Variants in MEA1 observed in about 807,000 individuals in gnomAD.
MEA1 encodes Male-enhanced antigen (H-Y structural gene).
Under a neutral mutation model 21.4 loss-of-function variants are expected in MEA1, and 22 were observed. The observed-to-expected ratio is 1.03, with a 90% CI of 0.73 to 1.47. The LOEUF (loss-of-function observed/expected upper bound fraction) is 1.47. MEA1 is among the 40% of genes most tolerant of loss of function. The pLI is 0.00. For synonymous variants in MEA1, 91 were observed against 85.5 expected, an observed-to-expected ratio of 1.06 and a Z score of -0.35; for missense variants, 233 against 230.5, an observed-to-expected ratio of 1.01 and a Z score of -0.07.
intron 1 of MEA1, 56 bp downstream of exon 1, chr6:43,013,730 A>C (rs920121223): frequency 6.5e-7 from 1 of 1,529,262 alleles, no homozygotes; most frequent in Non-Finnish European, 9.0e-7. Context: ...AGACTCCCCT[A>C]AACAGGTCGG....
Position 43,011,355 on chromosome 6 carries a change from C to A in MEA1, c.*1115G>T. On this transcript the variant is annotated 3_prime_UTR_variant, in exon 4 of 4. Transcript: ENST00000244711. The stretch of plus-strand genomic sequence containing the variant: ...GGACACTGCCCTGGCCCTCCATACT[C>A]TGCTCCCTACTGGCTGTCTTGGGGG... 6.3e-7 allele frequency: 1 copy of A among 1,588,526 alleles called. No individual in the cohort carries two copies. Among genetic ancestry groups the A allele is most frequent in the South Asian group, 1.1e-5 (1 of 88,910 alleles).
Position 43,012,402 on chromosome 6 carries a change from A to C in MEA1, c.*68T>G, listed in dbSNP as rs1188723714. ...GAAGATGGAAATGGACATTACAACCAGGGATGTGTTCAGTCCTGTGCTGGT... is the reference window on the plus strand; with the variant it reads ...GAAGATGGAAATGGACATTACAACCCGGGATGTGTTCAGTCCTGTGCTGGT... On this transcript the variant is annotated 3_prime_UTR_variant, in exon 4 of 4. Coordinates refer to ENST00000244711, the MANE Select transcript of MEA1 (RefSeq NM_014623.4). 2 of 1,496,804 alleles carry C rather than the reference A, an allele frequency of 1.3e-6. No individual in the cohort carries two copies. The highest frequency in any genetic ancestry group is 4.6e-5 in the Admixed American group (2 of 43,458). The allele number at this position is 1,496,804 out of a possible 1,614,324, so 92.7% of individuals were successfully genotyped here.
At position 43,012,338 on chromosome 6, in the gene MEA1, G is replaced by C. The variant is rs777890655; in HGVS notation, c.*132C>G. ...ACAGAACTGAATAAAGTGGGTCTCT[G>C]AGAAGTCTGATGTGCCTTGATGTGG... is the stretch of plus-strand genomic sequence containing the variant. On this transcript the variant is annotated 3_prime_UTR_variant, in exon 4 of 4. Transcript: ENST00000244711. 5.1e-5 allele frequency: 75 copies of C among 1,474,892 alleles called. No homozygotes were observed. Among genetic ancestry groups the C allele is most frequent in the Non-Finnish European group, 6.3e-5 (70 of 1,113,254 alleles). The allele number at this position is 1,474,892 out of a possible 1,614,324, so 91.4% of individuals were successfully genotyped here.
chr6:43,013,804 C>A lies in MEA1; in HGVS notation c.10G>T (p.Glu4Ter). The A allele has an allele frequency of 6.2e-7, 1 of 1,608,482 alleles. No homozygotes were observed. The part of the protein sequence containing the change: MGP[E>*]RHLSGAPARM... ...TCTGTACCGCCTGACAGATGCCTTT[C>A]AGGCCCCATGGGCTCCCCTCAAATG... The change falls in exon 1 of 4, where the codon GAA becomes TAA. Residue 4 changes from glutamate (E) to a stop codon, truncating the protein, a stop_gained. Transcript: ENST00000244711. LOFTEE classifies it high-confidence loss of function.
At position 43,012,543 on chromosome 6, in the gene MEA1, A is replaced by C; in HGVS notation, c.485T>G (p.Ile162Arg). ...APGVPAWARE[I>R]SDAQWEDVVQ... is the part of the protein sequence containing the mutation. ...CACATCTTCCCACTGGGCATCCGAT[A>C]TCTCCCGAGCCCAGGCAGGAACCCC... The change falls in exon 4 of 4, where the codon ATA (isoleucine) becomes AGA (arginine). Residue 162 changes from isoleucine (I) to arginine (R), a missense_variant. By Grantham distance (97) the Ile-to-Arg change is moderately conservative. Coordinates refer to ENST00000244711, the MANE Select transcript of MEA1 (RefSeq NM_014623.4). 3.7e-6 allele frequency: 6 copies of C among 1,612,526 alleles called. No homozygotes were observed. The highest frequency in any genetic ancestry group is 5.1e-6 in the Non-Finnish European group (6 of 1,179,382).
Position 43,012,328 on chromosome 6 carries a change from G to C in MEA1, c.*142C>G. The C allele has an allele frequency of 2.0e-6, 3 of 1,470,612 alleles. No homozygotes were observed. The highest frequency in any genetic ancestry group is 2.7e-6 in the Non-Finnish European group (3 of 1,111,992). 91.1% of individuals were successfully genotyped at this position (1,470,612 alleles called of 1,614,324 possible). ...CCCCATATGTACAGAACTGAATAAA[G>C]TGGGTCTCTGAGAAGTCTGATGTGC... On this transcript the variant is annotated 3_prime_UTR_variant, in exon 4 of 4. Transcript: ENST00000244711.
At position 43,013,156 on chromosome 6, in the gene MEA1, C is replaced by A. The variant is rs1293697601; in HGVS notation, c.262G>T (p.Gly88Trp). The A allele has an allele frequency of 6.2e-7, 1 of 1,614,132 alleles. No individual in the cohort carries two copies. Among genetic ancestry groups the A allele is most frequent in the Non-Finnish European group, 8.5e-7 (1 of 1,180,024 alleles). Residue 88 changes from glycine to tryptophan, a missense_variant, in exon 2 of 4, where the codon GGG (glycine) becomes TGG (tryptophan). Physicochemically the swap from Gly to Trp is radical, Grantham distance 184. Coordinates refer to ENST00000244711, the MANE Select transcript of MEA1 (RefSeq NM_014623.4). ...ATGTCAGCAACTACATCTCCATCCC[C>A]CACTGGTGCCAGTTCCACCTCCTCT... ...EQEEVELAPVGDGDVVADIQD... is the reference protein window; with the variant it reads ...EQEEVELAPVWDGDVVADIQD...
chr6:43,015,181 G>A (rs2150289653), upstream of MEA1, among the ~76,000 whole-genome samples: 1 of 152,272 alleles, frequency 6.6e-6, no homozygotes, highest in African/African-American at 2.4e-5. Flanking sequence ...CACAAGCCCA[G>A]ACCCAAGATA....
upstream of MEA1, chr6:43,014,126 C>G: frequency 7.1e-7 from 1 of 1,416,882 alleles, no homozygotes. Context: ...CGCCCCTGCC[C>G]ACTCCTCAGC....
Position 43,013,877 on chromosome 6 carries a change from C to T in MEA1, c.-64G>A. 1 of 1,515,790 alleles carries T rather than the reference C, an allele frequency of 6.6e-7. No individual in the cohort carries two copies. Among genetic ancestry groups the T allele is most frequent in the Non-Finnish European group, 8.8e-7 (1 of 1,133,372 alleles). 93.9% of individuals were successfully genotyped at this position (1,515,790 alleles called of 1,614,324 possible). On this transcript the variant is annotated 5_prime_UTR_variant, in exon 1 of 4. Coordinates refer to ENST00000244711, the MANE Select transcript of MEA1 (RefSeq NM_014623.4). ...CCCGCCCCCATCCGAATCCCGGCGC[C>T]GGTGTTCCCGCGCGCCTCACCCGCT...
rs567663488 is a variant in MEA1 at position 43,013,875 on chromosome 6, G to A, written c.-62C>T. 472 of 1,420,908 alleles carry A rather than the reference G, an allele frequency of 3.3e-4. 6 individuals carry two copies. The South Asian group carries it at 5.8e-3, about 17-fold the overall frequency. 88.0% of individuals were successfully genotyped at this position (1,420,908 alleles called of 1,614,324 possible). A position where few individuals can be genotyped will look rare whatever the true frequency, so the allele number is the denominator to read the frequency against. On this transcript the variant is annotated 5_prime_UTR_variant, in exon 1 of 4. Coordinates refer to ENST00000244711, the MANE Select transcript of MEA1 (RefSeq NM_014623.4). ...CACCCGCCCCCATCCGAATCCCGGC[G>A]CCGGTGTTCCCGCGCGCCTCACCCG... is the stretch of plus-strand genomic sequence containing the variant.
upstream of MEA1, among the ~76,000 whole-genome samples, chr6:43,015,232 C>T (rs148243846): frequency 8.6e-4 from 131 of 151,996 alleles, 1 homozygote; most frequent in Middle Eastern, 0.01. Flanking sequence ...TAGCTTCCTG[C>T]TGGGGCTATT....
rs145684342 is a variant in MEA1, at chr6:43,012,116, C to T, written c.*354G>A. On this transcript the variant is annotated 3_prime_UTR_variant, in exon 4 of 4. Coordinates refer to ENST00000244711, the MANE Select transcript of MEA1 (RefSeq NM_014623.4). ...GGCTCCTGCCAACACCTATTTATTT[C>T]CTTGTTTGTGCTATGCTGGGCAGGC... 1.7e-3 allele frequency: 1,329 copies of T among 784,718 alleles called. 16 individuals are homozygous for T. In the African/African-American group the frequency reaches 0.024, roughly 14 times the overall value. The allele number at this position is 784,718 out of a possible 1,614,324, so 48.6% of individuals were successfully genotyped here.
At chr6:43,014,299 G>C (rs1404818017), upstream of MEA1, 1 of 695,942 alleles carries the variant, frequency 1.4e-6, no homozygotes, top group East Asian at 2.7e-5. Context: ...CGGGTTCTAG[G>C]CTGCAGGCAG....
chr6:43,012,895 A>G (rs1016653288), intron 3 of MEA1, 31 bp downstream of exon 3: 2 of 1,585,298 alleles, frequency 1.3e-6, no homozygotes, highest in Non-Finnish European at 1.7e-6. Context: ...TTCCTTAGTA[A>G]TTATTCCAGA....
chr6:43,012,873 A>T, intron 3 of MEA1, 53 bp downstream of exon 3: 1 of 1,512,066 alleles, frequency 6.6e-7, no homozygotes, highest in East Asian at 2.3e-5. Context: ...CTACTGACTC[A>T]TGCCAGTTCA....
Position 43,012,183 on chromosome 6 carries a change from T to C in MEA1, c.*287A>G. 8.9e-7 allele frequency: 1 copy of C among 1,124,940 alleles called. No homozygotes were observed. Among genetic ancestry groups the C allele is most frequent in the Non-Finnish European group, 1.1e-6 (1 of 919,880 alleles). 69.7% of individuals were successfully genotyped at this position (1,124,940 alleles called of 1,614,324 possible). On this transcript the variant is annotated 3_prime_UTR_variant, in exon 4 of 4. Coordinates refer to ENST00000244711, the MANE Select transcript of MEA1 (RefSeq NM_014623.4). The stretch of plus-strand genomic sequence containing the variant: ...TAGGTACCTTGGAGGGGCCAGGGGC[T>C]GAGGAAGGCCGGACCCAGGTTCCAG...
chr6:43,012,669 G>C (rs1162213596), intron 3 of MEA1, 48 bp from the exon 4 acceptor site: 3 of 1,547,190 alleles, frequency 1.9e-6, no homozygotes, highest in Admixed American at 4.1e-5. Flanking sequence ...AATGGGACCA[G>C]CTCCCCTCCC....
intron 3 of MEA1, 106 bp from the exon 4 acceptor site, chr6:43,012,727 T>C: frequency 2.9e-6 from 4 of 1,382,416 alleles, no homozygotes; most frequent in Non-Finnish European, 3.9e-6. Context: ...GGTCACCAAA[T>C]CCACCTTGTT....
Sources: allele counts gnomAD v4.1 joint callset (sites outside exome capture counted in the v4.1 genomes callset), GRCh38; gene constraint gnomAD v4.1.1; transcripts MANE v1.5; gene names NCBI Gene and HGNC (gene_info 2026-07-23, HGNC 2026-07-21).